COL19A1: variants seen among roughly 807,000 people sequenced by gnomAD.
COL19A1 encodes the protein collagen type XIX alpha 1 chain, also known as collagen alpha-1(XIX) chain.
A neutral mutation model predicts 190.2 loss-of-function variants in COL19A1; 159 were observed. That is an observed-to-expected ratio of 0.84 (90% CI 0.73 to 0.95). The LOEUF (loss-of-function observed/expected upper bound fraction) is 0.95, where lower values mean the gene tolerates loss of function less well. COL19A1 is among the 40% of genes least tolerant of loss of function. COL19A1 has a pLI of 0.00. For missense variants in COL19A1, 1,418 were observed against 1,431.9 expected (o/e 0.99, Z 0.16); for synonymous variants, 509 against 458.9 (o/e 1.11, Z -1.39).
intron 14 of COL19A1, among the ~76,000 whole-genome samples, chr6:70,051,658 A>C (rs957806706): frequency 2.0e-5 from 3 of 152,160 alleles, no homozygotes; most frequent in Non-Finnish European, 4.4e-5. Flanking sequence ...AGCCCAGAAC[A>C]AAAGGGTGGT....
chr6:69,950,326 G>C (rs1329170009), intron 9 of COL19A1, among the ~76,000 whole-genome samples: 2 of 151,816 alleles, frequency 1.3e-5, no homozygotes, highest in Non-Finnish European at 2.9e-5. Context: ...ATTTAGTTAT[G>C]TTCTTTTGTA....
At chr6:69,996,323 G>A (rs1377855739) in intron 11 of COL19A1, among the ~76,000 whole-genome samples, 1 of 152,094 alleles carries the variant, frequency 6.6e-6, no homozygotes, top group African/African-American at 2.4e-5. Flanking sequence ...CTAGACTCAG[G>A]TCACTAGATC....
chr6:70,022,484 C>T (rs537710510), intron 11 of COL19A1, among the ~76,000 whole-genome samples: 96 of 152,172 alleles, frequency 6.3e-4, no homozygotes, highest in African/African-American at 2.0e-3. Flanking sequence ...AGATGGTGTG[C>T]AGGTAGGTAG....
chr6:69,958,538 A>G (rs1359993456), intron 9 of COL19A1, among the ~76,000 whole-genome samples: 1 of 152,154 alleles, frequency 6.6e-6, no homozygotes, highest in Non-Finnish European at 1.5e-5. Context: ...AACTATAACA[A>G]TTTGTTTAAT....
At chr6:69,964,277 T>C (rs1774969709) in intron 11 of COL19A1, among the ~76,000 whole-genome samples, 1 of 152,160 alleles carries the variant, frequency 6.6e-6, no homozygotes, top group Non-Finnish European at 1.5e-5. Context: ...ATAATAACCA[T>C]ACTTTTGGAG....
Position 69,962,964 on chromosome 6 carries a change from A to G in COL19A1, c.1026+94A>G, listed in dbSNP as rs1774889803. On this transcript the variant is annotated intron_variant, in intron 11 of 50. Coordinates refer to ENST00000620364, the MANE Select transcript of COL19A1 (RefSeq NM_001858.6). ...ATTTAACTTGTTTTGTGCATTCCCT[A>G]TAAGCAATTCAATAATTTTATAGAC... 1.0e-5 allele frequency: 9 copies of G among 882,068 alleles called. No homozygotes were observed. In the South Asian group the frequency reaches 1.6e-4, roughly 16 times the overall value. The allele number at this position is 882,068 out of a possible 1,614,324, so 54.6% of individuals were successfully genotyped here. A position where few individuals can be genotyped will look rare whatever the true frequency, so the allele number is the denominator to read the frequency against.
At chr6:69,975,334 A>C (rs939166192) in intron 11 of COL19A1, among the ~76,000 whole-genome samples, 3 of 152,198 alleles carry the variant, frequency 2.0e-5, no homozygotes, top group African/African-American at 7.2e-5. Flanking sequence ...CACTTTGAGC[A>C]GTCATTCATA....
chr6:70,141,095 A>G lies in COL19A1; in HGVS notation c.1482+106A>G, dbSNP rs1786222634. 5 of 965,142 alleles carry G rather than the reference A, an allele frequency of 5.2e-6. No homozygotes were observed. The South Asian group carries it at 7.8e-5, about 15-fold the overall frequency. The allele number at this position is 965,142 out of a possible 1,614,324, so 59.8% of individuals were successfully genotyped here. Reference sequence around the variant, plus strand: ...GGAGTCTAATAGATTTGATTAAATAAGGTCCATGAGCATTTTACTTTTTCC... The same window carrying G: ...GGAGTCTAATAGATTTGATTAAATAGGGTCCATGAGCATTTTACTTTTTCC... On this transcript the variant is annotated intron_variant, in intron 20 of 50. Transcript: ENST00000620364.
intron 4 of COL19A1, 136 bp downstream of exon 4, chr6:69,900,474 G>A: frequency 4.4e-6 from 2 of 449,770 alleles, no homozygotes; most frequent in Non-Finnish European, 4.0e-6. Context: ...TAAACGTGTT[G>A]TTAATGTATT....
chr6:70,184,090 CAA>C (rs1300056501), intron 44 of COL19A1, among the ~76,000 whole-genome samples: 1 of 152,172 alleles, frequency 6.6e-6, no homozygotes, highest in African/African-American at 2.4e-5. Context: ...CTAATACTGT[CAA>C]AAACCATGAT....
intron 4 of COL19A1, among the ~76,000 whole-genome samples, chr6:69,919,250 A>G (rs189057286): frequency 6.6e-6 from 1 of 152,300 alleles, no homozygotes; most frequent in East Asian, 1.9e-4. Context: ...ATTAATTATT[A>G]CATAGTTTGT....
intron 4 of COL19A1, among the ~76,000 whole-genome samples, chr6:69,923,934 G>A (rs1772178465): frequency 6.6e-6 from 1 of 152,154 alleles, no homozygotes. Flanking sequence ...AGCTAAATGA[G>A]CAGAAACTTC....
At chr6:70,070,210 A>T (rs1282189322) in intron 15 of COL19A1, among the ~76,000 whole-genome samples, 1 of 152,174 alleles carries the variant, frequency 6.6e-6, no homozygotes, top group Non-Finnish European at 1.5e-5. Context: ...TAATGCTTCA[A>T]ATTAAAATTG....
chr6:70,059,988 T>A (rs1780729797), intron 14 of COL19A1, among the ~76,000 whole-genome samples: 1 of 152,168 alleles, frequency 6.6e-6, no homozygotes, highest in African/African-American at 2.4e-5. Flanking sequence ...AGACTATGAT[T>A]CTCTAACTGC....
At chr6:69,920,671 G>T (rs920921719) in intron 4 of COL19A1, among the ~76,000 whole-genome samples, 4 of 151,692 alleles carry the variant, frequency 2.6e-5, no homozygotes, top group Non-Finnish European at 5.9e-5. Context: ...ATATACTTGT[G>T]CCCTCATAGG....
At position 69,898,804 on chromosome 6, in the gene COL19A1, G is replaced by T. The variant is rs571814007; in HGVS notation, c.92-144G>T. The T allele has an allele frequency of 2.6e-4, 154 of 588,958 alleles. No individual in the cohort carries two copies. In the African/African-American group the frequency reaches 2.7e-3, roughly 10 times the overall value. 36.5% of individuals were successfully genotyped at this position (588,958 alleles called of 1,614,324 possible). The stretch of plus-strand genomic sequence containing the variant: ...ATGTAACCCTCACAAAAACACTGAG[G>T]TGGTTAATGTTCTTATCCTCATTTT... On this transcript the variant is annotated intron_variant, in intron 2 of 50. Transcript: ENST00000620364.
intron 1 of COL19A1, among the ~76,000 whole-genome samples, chr6:69,869,947 T>C (rs1039779592): frequency 1.3e-5 from 2 of 152,226 alleles, no homozygotes; most frequent in South Asian, 2.1e-4. Flanking sequence ...CATTAGGAAC[T>C]AGGGAGTATG....
chr6:70,183,406 G>A (rs1226514282), intron 44 of COL19A1, among the ~76,000 whole-genome samples: 1 of 152,158 alleles, frequency 6.6e-6, no homozygotes, highest in Non-Finnish European at 1.5e-5. Flanking sequence ...CTATACAAAA[G>A]AGAACACTGA....
chr6:70,105,703 G>A (rs1783910869), intron 16 of COL19A1, among the ~76,000 whole-genome samples: 1 of 152,180 alleles, frequency 6.6e-6, no homozygotes, highest in Non-Finnish European at 1.5e-5. Flanking sequence ...CGGGTTGGTA[G>A]GATCTACAGT....
Sources: allele counts gnomAD v4.1 joint callset (sites outside exome capture counted in the v4.1 genomes callset), GRCh38; gene constraint gnomAD v4.1.1; transcripts MANE v1.5; gene names NCBI Gene and HGNC (gene_info 2026-07-23, HGNC 2026-07-21).